Variants in ADGRB3 observed in about 807,000 individuals in gnomAD.
ADGRB3 encodes brain-specific angiogenesis inhibitor 3.
In ADGRB3, 37 loss-of-function variants were observed where a neutral mutation model predicts 193.4. The observed-to-expected ratio is 0.19, with a 90% CI of 0.15 to 0.25. The LOEUF (loss-of-function observed/expected upper bound fraction) is 0.25. Among genes scored for constraint, ADGRB3 ranks in the 10% least tolerant of loss-of-function variants. The pLI is 1.00. For synonymous variants in ADGRB3, 690 were observed against 644.2 expected (o/e 1.07, Z -1.08); for missense variants, 1,637 against 1,852.9 (o/e 0.88, Z 2.14).
At chr6:68,836,887 G>T (rs908724563) in intron 3 of ADGRB3, among the ~76,000 whole-genome samples, 1 of 152,050 alleles carries the variant, frequency 6.6e-6, no homozygotes, top group Non-Finnish European at 1.5e-5. Context: ...AAAATATGAT[G>T]CATGGAACTT....
chr6:68,775,994 T>C (rs1418800221), intron 3 of ADGRB3, among the ~76,000 whole-genome samples: 1 of 152,182 alleles, frequency 6.6e-6, no homozygotes, highest in East Asian at 1.9e-4. Context: ...GATGTAGAAT[T>C]GTGCTGTGTC....
intron 8 of ADGRB3, among the ~76,000 whole-genome samples, chr6:68,964,112 G>A (rs1022061406): frequency 6.6e-6 from 1 of 152,058 alleles, no homozygotes; most frequent in African/African-American, 2.4e-5. Flanking sequence ...TCAATGGACT[G>A]ATTTACTGGA....
chr6:68,893,205 G>GA (rs1397604524), intron 3 of ADGRB3, among the ~76,000 whole-genome samples: 2 of 151,968 alleles, frequency 1.3e-5, no homozygotes, highest in Admixed American at 1.3e-4. Context: ...GGAAATGCAG[G>GA]AAAAATAAAG....
chr6:69,365,080 A>G (rs796422794), intron 29 of ADGRB3, among the ~76,000 whole-genome samples: 5 of 152,214 alleles, frequency 3.3e-5, no homozygotes, highest in African/African-American at 1.2e-4. Context: ...TTTAAATAGT[A>G]AGCATTTTTT....
chr6:69,159,009 C>T (rs1037441077), intron 17 of ADGRB3, among the ~76,000 whole-genome samples: 5 of 151,864 alleles, frequency 3.3e-5, no homozygotes, highest in Non-Finnish European at 7.4e-5. Flanking sequence ...TATACCATGC[C>T]TCATGAAATT....
chr6:68,846,824 T>G (rs1435258807), intron 3 of ADGRB3, among the ~76,000 whole-genome samples: 2 of 152,182 alleles, frequency 1.3e-5, no homozygotes, highest in Non-Finnish European at 2.9e-5. Context: ...GAGTCCCTAC[T>G]GGGGCACTGC....
chr6:68,715,094 C>A (rs754705063), intron 3 of ADGRB3, among the ~76,000 whole-genome samples: 5 of 151,752 alleles, frequency 3.3e-5, no homozygotes, highest in African/African-American at 4.8e-5. Flanking sequence ...GAAACTATTT[C>A]TTTCATGGCA....
intron 20 of ADGRB3, among the ~76,000 whole-genome samples, chr6:69,262,732 G>T (rs1315352643): frequency 1.3e-5 from 2 of 151,826 alleles, no homozygotes; most frequent in African/African-American, 2.4e-5. Flanking sequence ...ACAGTATATT[G>T]TAACAATTCT....
At chr6:68,892,038 C>T (rs1226923312) in intron 3 of ADGRB3, among the ~76,000 whole-genome samples, 1 of 152,140 alleles carries the variant, frequency 6.6e-6, no homozygotes, top group Non-Finnish European at 1.5e-5. Flanking sequence ...TATTGAGGAA[C>T]TATATTTTTT....
intron 3 of ADGRB3, among the ~76,000 whole-genome samples, chr6:68,884,436 TCA>T (rs1197961001): frequency 6.6e-6 from 1 of 152,134 alleles, no homozygotes; most frequent in Non-Finnish European, 1.5e-5. Flanking sequence ...AACATGTCTC[TCA>T]GAGAGTAAGA....
rs62418301 is a variant in ADGRB3, at chr6:68,975,651, T to C, written c.1734+311T>C. Among the ~76,000 whole-genome samples, 471 of 152,342 alleles carry C rather than the reference T, an allele frequency of 3.1e-3. 1 individual carries two copies. The highest frequency in any genetic ancestry group is 5.7e-3 in the Non-Finnish European group (389 of 68,028). On this transcript the variant is annotated intron_variant, in intron 10 of 31. Transcript: ENST00000370598. The stretch of plus-strand genomic sequence containing the variant: ...GTTAAACATATGCATTATGGTTGGC[T>C]TAAGTCTGTGTTAAATACTTATTTT...
intron 17 of ADGRB3, among the ~76,000 whole-genome samples, chr6:69,200,672 T>C (rs1765401183): frequency 1.3e-5 from 2 of 152,040 alleles, no homozygotes; most frequent in South Asian, 2.1e-4. Context: ...CTGCAAGCCT[T>C]CTCAGCTGCA....
chr6:68,857,733 A>G (rs1765028026), intron 3 of ADGRB3, among the ~76,000 whole-genome samples: 1 of 152,188 alleles, frequency 6.6e-6, no homozygotes, highest in Non-Finnish European at 1.5e-5. Flanking sequence ...ACTGTTGGGA[A>G]GGCATGATTG....
chr6:68,897,703 AGAAG>A (rs1303841208), intron 3 of ADGRB3, among the ~76,000 whole-genome samples: 2 of 109,856 alleles, frequency 1.8e-5, no homozygotes, highest in South Asian at 3.5e-4. Context: ...GAAAGAAGAA[AGAAG>A]GAAGGGAGGG....
chr6:68,993,679 G>A (rs1329843912), intron 10 of ADGRB3, 89 bp from the exon 11 acceptor site: 31 of 1,342,428 alleles, frequency 2.3e-5, no homozygotes, highest in Non-Finnish European at 3.2e-5. Flanking sequence ...AGTTAATTGA[G>A]CAATTTTAAA....
chr6:69,261,833 A>G (rs1340526089), intron 20 of ADGRB3, among the ~76,000 whole-genome samples: 3 of 152,076 alleles, frequency 2.0e-5, no homozygotes, highest in Non-Finnish European at 4.4e-5. Flanking sequence ...GAAAAACTAA[A>G]GGTTCGTTAA....
At chr6:68,853,619 A>G (rs1369027112) in intron 3 of ADGRB3, among the ~76,000 whole-genome samples, 1 of 152,118 alleles carries the variant, frequency 6.6e-6, no homozygotes, top group Non-Finnish European at 1.5e-5. Context: ...ATAGCTCTCT[A>G]AGGGGTGCAA....
intron 3 of ADGRB3, among the ~76,000 whole-genome samples, chr6:68,712,954 C>T (rs980262772): frequency 6.6e-6 from 1 of 151,580 alleles, no homozygotes; most frequent in African/African-American, 2.4e-5. Flanking sequence ...AGATTTTGGT[C>T]AATTTAGTAG....
intron 6 of ADGRB3, among the ~76,000 whole-genome samples, chr6:68,947,506 A>G (rs1342410969): frequency 1.3e-5 from 2 of 152,250 alleles, no homozygotes; most frequent in Non-Finnish European, 2.9e-5. Flanking sequence ...TCTTGACATG[A>G]ACATATCCAA....
Sources: allele counts gnomAD v4.1 joint callset (sites outside exome capture counted in the v4.1 genomes callset), GRCh38; gene constraint gnomAD v4.1.1; transcripts MANE v1.5; gene names NCBI Gene and HGNC (gene_info 2026-07-23, HGNC 2026-07-21).